BICDL1: variants seen among roughly 807,000 people sequenced by gnomAD.
BICDL1 encodes the protein BICD family-like cargo adapter 1.
Under a neutral mutation model 76.8 loss-of-function variants are expected in BICDL1, and 20 were observed. The ratio of observed to expected loss-of-function variants is 0.26; its 90% CI spans 0.18 to 0.38. The LOEUF (loss-of-function observed/expected upper bound fraction) is 0.38, where lower values mean the gene tolerates loss of function less well. Ranked by LOEUF, BICDL1 falls within the 10% of genes least tolerant of loss-of-function variation. The pLI, the probability that BICDL1 is intolerant of heterozygous loss-of-function variation, is 1.00. For missense variants in BICDL1, 700 were observed against 798.6 expected (o/e 0.88, Z 1.49); for synonymous variants, 383 against 337.1 (o/e 1.14, Z -1.49).
chr12:120,064,446 T>A (rs780621931), intron 3 of BICDL1, among the ~76,000 whole-genome samples: 46 of 151,888 alleles, frequency 3.0e-4, no homozygotes, highest in Non-Finnish European at 5.0e-4. Flanking sequence ...TTTTTTATCT[T>A]ATCTCTGGAA....
chr12:120,088,719 T>C (rs1431540665), intron 8 of BICDL1, among the ~76,000 whole-genome samples: 2 of 151,530 alleles, frequency 1.3e-5, no homozygotes, highest in Admixed American at 6.6e-5. Context: ...CAGGCTGCAG[T>C]GCAGTGGCGC....
At chr12:120,035,833 T>G (rs1235350098) in intron 2 of BICDL1, among the ~76,000 whole-genome samples, 1 of 152,244 alleles carries the variant, frequency 6.6e-6, no homozygotes, top group Non-Finnish European at 1.5e-5. Context: ...GAGGAACCAC[T>G]AACCTGACTT....
chr12:120,031,325 TCC>T (rs1952419436), intron 2 of BICDL1, among the ~76,000 whole-genome samples: 1 of 150,822 alleles, frequency 6.6e-6, no homozygotes, highest in Non-Finnish European at 1.5e-5. Flanking sequence ...TGCCTCAGCC[TCC>T]TCAGTAGCTG....
rs1555295438 is a variant in BICDL1 at position 120,094,234 on chromosome 12, G to GCCCTCAGCTGCTCACAACCT, written c.*1092_*1093insTCCCTCAGCTGCTCACAACC. 4.4e-6 allele frequency: 2 copies of GCCCTCAGCTGCTCACAACCT among 456,644 alleles called. No individual in the cohort carries two copies. Among genetic ancestry groups the GCCCTCAGCTGCTCACAACCT allele is most frequent in the African/African-American group, 4.0e-5 (2 of 50,094 alleles). The allele number at this position is 456,644 out of a possible 1,614,324, so 28.3% of individuals were successfully genotyped here. A position where few individuals can be genotyped will look rare whatever the true frequency, so the allele number is the denominator to read the frequency against. ...ACTCAGAGGCTCCGCGGCCCGGCCA[G>GCCCTCAGCTGCTCACAACCT]CCCTCAGCTGCTCACAACCGATTCA... On this transcript the variant is annotated 3_prime_UTR_variant, in exon 10 of 10. Transcript: ENST00000548673.
At chr12:120,037,180 G>A (rs1419610110) in intron 2 of BICDL1, among the ~76,000 whole-genome samples, 1 of 152,166 alleles carries the variant, frequency 6.6e-6, no homozygotes, top group Non-Finnish European at 1.5e-5. Context: ...GTAATCGTAT[G>A]TTGAATGAAA....
At chr12:119,994,453 A>T (rs1216600139) in intron 1 of BICDL1, among the ~76,000 whole-genome samples, 2 of 150,266 alleles carry the variant, frequency 1.3e-5, no homozygotes, top group Admixed American at 1.3e-4. Context: ...TAAACTAATG[A>T]TCTTAATTTT....
At chr12:119,991,319 C>T (rs971266529) in intron 1 of BICDL1, among the ~76,000 whole-genome samples, 8 of 152,114 alleles carry the variant, frequency 5.3e-5, no homozygotes, top group African/African-American at 1.7e-4. Context: ...AGTCAGGTTC[C>T]GTATCTCTGC....
At chr12:120,031,138 A>C (rs1952414021) in intron 2 of BICDL1, among the ~76,000 whole-genome samples, 2 of 152,236 alleles carry the variant, frequency 1.3e-5, no homozygotes, top group South Asian at 2.1e-4. Flanking sequence ...ACTTTTCCAT[A>C]AGTTGAAAGA....
At chr12:120,083,633 T>G (rs951257988) in intron 8 of BICDL1, among the ~76,000 whole-genome samples, 15 of 63,466 alleles carry the variant, frequency 2.4e-4, no homozygotes, top group African/African-American at 1.2e-3. Flanking sequence ...ATAGTAGTAT[T>G]TATTTATTTA....
intron 8 of BICDL1, among the ~76,000 whole-genome samples, chr12:120,088,881 G>A (rs1481769684): frequency 3.3e-5 from 5 of 150,860 alleles, no homozygotes; most frequent in East Asian, 3.9e-4. Context: ...AGCCAGGATG[G>A]TCTCAATCTC....
intron 9 of BICDL1, 51 bp downstream of exon 9, chr12:120,090,122 C>A: frequency 6.2e-7 from 1 of 1,602,178 alleles, no homozygotes; most frequent in South Asian, 1.1e-5. Context: ...GGAGGAATCT[C>A]TGAACCCAGG....
chr12:120,084,832 G>A (rs1260223108), intron 8 of BICDL1, among the ~76,000 whole-genome samples: 1 of 151,464 alleles, frequency 6.6e-6, no homozygotes, highest in Non-Finnish European at 1.5e-5. Context: ...AGAAGTTGTA[G>A]TGAGCTGAGA....
intron 2 of BICDL1, among the ~76,000 whole-genome samples, chr12:120,054,236 C>G (rs1201848673): frequency 2.0e-5 from 3 of 151,952 alleles, no homozygotes; most frequent in Non-Finnish European, 4.4e-5. Flanking sequence ...CCACCCCCGG[C>G]TAATTTTATT....
At chr12:120,054,165 C>T (rs562839202) in intron 2 of BICDL1, among the ~76,000 whole-genome samples, 69 of 151,820 alleles carry the variant, frequency 4.5e-4, no homozygotes, top group African/African-American at 1.5e-3. Flanking sequence ...CTCCACCTCC[C>T]GGGTTCAAGC....
chr12:119,989,912 C>G lies in BICDL1; in HGVS notation c.44C>G (p.Pro15Arg). Reference sequence around the variant, plus strand: ...GGCTTGGTCGGCCGCGCTTCAGCACCCGCCGAGCCGGACAGCGCCTGCTGC... The same window carrying G: ...GGCTTGGTCGGCCGCGCTTCAGCACGCGCCGAGCCGGACAGCGCCTGCTGC... ...CLGLVGRASA[P>R]AEPDSACCME... Residue 15 changes from proline (P) to arginine (R), a missense_variant, in exon 1 of 10, where the codon CCC becomes CGC. By Grantham distance (103) the Pro-to-Arg change is moderately radical. Around this residue, in one of 3 missense-constraint regions of BICDL1, gnomAD observed 225 missense variants for 199.6 expected, o/e 1.13. Coordinates refer to ENST00000548673, the MANE Select transcript of BICDL1 (RefSeq NM_001367886.1). 6.9e-7 allele frequency: 1 copy of G among 1,458,448 alleles called. No homozygotes were observed. Among genetic ancestry groups the G allele is most frequent in the Non-Finnish European group, 8.9e-7 (1 of 1,117,770 alleles). 90.3% of individuals were successfully genotyped at this position (1,458,448 alleles called of 1,614,324 possible).
intron 2 of BICDL1, among the ~76,000 whole-genome samples, chr12:120,014,560 C>T (rs531230712): frequency 6.1e-4 from 92 of 152,012 alleles, no homozygotes; most frequent in African/African-American, 1.9e-3. Flanking sequence ...AGTGTGGTGG[C>T]GCGTGCCTTT....
chr12:120,024,458 A>T (rs562651794), intron 2 of BICDL1, among the ~76,000 whole-genome samples: 7 of 152,356 alleles, frequency 4.6e-5, no homozygotes, highest in African/African-American at 1.7e-4. Context: ...AACACAGAAA[A>T]GTAAAAAAAC....
At chr12:120,089,471 CTTCTCCTGGG>C (rs1221859192) in intron 8 of BICDL1, among the ~76,000 whole-genome samples, 1 of 152,084 alleles carries the variant, frequency 6.6e-6, no homozygotes, top group Non-Finnish European at 1.5e-5. Flanking sequence ...CTGCAACCTC[CTTCTCCTGGG>C]TTCAAGCAAT....
chr12:120,027,027 CTTTTTTTT>C (rs10606114), intron 2 of BICDL1, among the ~76,000 whole-genome samples: 3 of 118,094 alleles, frequency 2.5e-5, no homozygotes, highest in East Asian at 2.3e-4. Flanking sequence ...GATGTAATTT[CTTTTTTTT>C]TTTTTTTTTT....
Sources: gnomAD v4.1 joint callset for allele counts (sites outside exome capture counted in the v4.1 genomes callset) on GRCh38, gnomAD v4.1.1 for gene constraint, gnomAD v4.1.1 regional missense constraint, MANE v1.5 for transcripts, NCBI Gene and HGNC (gene_info 2026-07-23, HGNC 2026-07-21) for gene names.